HDAC9: variants seen among roughly 807,000 people sequenced by gnomAD.
HDAC9 encodes the protein histone deacetylase 9.
In HDAC9, 41 loss-of-function variants were observed where a neutral mutation model predicts 139.4. That is an observed-to-expected ratio of 0.29 (90% confidence interval 0.23 to 0.38). The LOEUF (loss-of-function observed/expected upper bound fraction) is 0.38. Among genes scored for constraint, HDAC9 ranks in the 10% least tolerant of loss-of-function variants. The pLI is 1.00. For synonymous variants in HDAC9, 517 were observed against 476.2 expected (o/e 1.09, Z -1.12); for missense variants, 1,147 against 1,297.0 (o/e 0.88, Z 1.78).
At chr7:18,301,514 TG>T (rs34624145) in intron 1 of HDAC9, among the ~76,000 whole-genome samples, 1 of 152,188 alleles carries the variant, frequency 6.6e-6, no homozygotes, top group Non-Finnish European at 1.5e-5. Context: ...ACTGTCCCAC[TG>T]GGATAGTAGA....
chr7:18,828,786 C>T (rs1457964297), intron 17 of HDAC9, among the ~76,000 whole-genome samples: 2 of 152,170 alleles, frequency 1.3e-5, no homozygotes, highest in African/African-American at 4.8e-5. Context: ...TTGACCCAAA[C>T]CTGCACCAAG....
intron 2 of HDAC9, chr7:18,517,925 G>T (rs1413769929): frequency 6.6e-6 from 1 of 152,036 alleles, no homozygotes; most frequent in Non-Finnish European, 1.5e-5. Context: ...CAATTTTTTT[G>T]TTTTAAAAAT....
chr7:18,204,133 G>C (rs930520874), intron 2 of HDAC9, among the ~76,000 whole-genome samples: 1 of 152,102 alleles, frequency 6.6e-6, no homozygotes, highest in Non-Finnish European at 1.5e-5. Flanking sequence ...AAAAAATTTA[G>C]TGACAGTGAA....
chr7:18,845,826 G>T (rs1159989688), intron 21 of HDAC9, among the ~76,000 whole-genome samples: 2 of 152,198 alleles, frequency 1.3e-5, no homozygotes, highest in Non-Finnish European at 2.9e-5. Context: ...CTCCATGGCT[G>T]TGTCCAGGCC....
At chr7:18,824,044 G>GGAAGAGGAAGAAGAAGAAGAA (rs71309048) in intron 17 of HDAC9, among the ~76,000 whole-genome samples, 796 of 66,934 alleles carry the variant, frequency 0.012, 11 homozygotes, top group East Asian at 0.043. Context: ...AAGAGGAAGA[G>GGAAGAGGAAGAAGAAGAAGAA]GAAGAAGAAG....
At chr7:18,613,514 T>C (rs995727829) in intron 6 of HDAC9, among the ~76,000 whole-genome samples, 20 of 152,056 alleles carry the variant, frequency 1.3e-4, no homozygotes, top group African/African-American at 4.6e-4. Context: ...TTATAATGCT[T>C]ACACTCAAAA....
intron 2 of HDAC9, among the ~76,000 whole-genome samples, chr7:18,564,081 C>T (rs188070286): frequency 7.2e-5 from 11 of 152,096 alleles, no homozygotes; most frequent in East Asian, 5.8e-4. Context: ...ATGATCCGCC[C>T]GCCCCGGCCT....
intron 23 of HDAC9, among the ~76,000 whole-genome samples, chr7:18,944,729 T>G (rs923141496): frequency 6.6e-6 from 1 of 152,158 alleles, no homozygotes; most frequent in Admixed American, 6.5e-5. Context: ...CTTTCTCTTT[T>G]CTGAAAGTAA....
intron 1 of HDAC9, among the ~76,000 whole-genome samples, chr7:18,308,815 T>A (rs1799100670): frequency 1.3e-5 from 2 of 152,196 alleles, no homozygotes; most frequent in African/African-American, 4.8e-5. Flanking sequence ...ATTCTGGGGA[T>A]TCGTATGAGT....
intron 12 of HDAC9, among the ~76,000 whole-genome samples, chr7:18,708,911 C>T (rs1239894882): frequency 6.6e-6 from 1 of 151,918 alleles, no homozygotes; most frequent in Admixed American, 6.6e-5. Flanking sequence ...CTCCTCTCTC[C>T]ACACACACCC....
chr7:18,816,290 A>G (rs1046492360), intron 17 of HDAC9, among the ~76,000 whole-genome samples: 2 of 152,232 alleles, frequency 1.3e-5, no homozygotes, highest in Non-Finnish European at 2.9e-5. Context: ...GGAAGCATTC[A>G]ACTTTCATAT....
chr7:18,549,032 G>C (rs1464482966), intron 2 of HDAC9, among the ~76,000 whole-genome samples: 3 of 152,196 alleles, frequency 2.0e-5, no homozygotes, highest in Non-Finnish European at 1.5e-5. Flanking sequence ...GAGGTCAAGA[G>C]ATCGAGACTA....
At chr7:18,668,908 C>G (rs1226811697) in intron 12 of HDAC9, 111 of 981,518 alleles carry the variant, frequency 1.1e-4, no homozygotes, top group Non-Finnish European at 1.3e-4. Flanking sequence ...AGCTTGCACA[C>G]TAGATCTCAT....
intron 2 of HDAC9, among the ~76,000 whole-genome samples, chr7:18,218,960 G>A (rs1489283829): frequency 6.6e-6 from 1 of 151,958 alleles, no homozygotes; most frequent in Non-Finnish European, 1.5e-5. Flanking sequence ...ACATTTTAAG[G>A]CTTTTTACAC....
chr7:18,361,809 GGAGA>G (rs528818096), intron 1 of HDAC9, among the ~76,000 whole-genome samples: 1 of 151,118 alleles, frequency 6.6e-6, no homozygotes, highest in Non-Finnish European at 1.5e-5. Flanking sequence ...TTTATTGCAA[GGAGA>G]GAGAGAAAAA....
At chr7:18,107,965 A>G (rs1783339277) in intron 1 of HDAC9, among the ~76,000 whole-genome samples, 1 of 152,204 alleles carries the variant, frequency 6.6e-6, no homozygotes, top group Non-Finnish European at 1.5e-5. Context: ...AGATTCTTAG[A>G]CAAAGATTTG....
chr7:18,208,533 A>G (rs1410398082), intron 2 of HDAC9, among the ~76,000 whole-genome samples: 2 of 151,708 alleles, frequency 1.3e-5, no homozygotes, highest in Non-Finnish European at 2.9e-5. Flanking sequence ...GCACCACCAC[A>G]CCTGACTAAT....
chr7:18,335,069 T>C (rs1354104057), intron 1 of HDAC9, among the ~76,000 whole-genome samples: 7 of 151,494 alleles, frequency 4.6e-5, no homozygotes, highest in East Asian at 3.9e-4. Flanking sequence ...ACCTGAAATA[T>C]GGGAAGCTGG....
intron 1 of HDAC9, among the ~76,000 whole-genome samples, chr7:18,133,168 A>G (rs1406791546): frequency 6.6e-6 from 1 of 152,216 alleles, no homozygotes; most frequent in African/African-American, 2.4e-5. Flanking sequence ...TTGGAAAAAC[A>G]CAAAAACACA....
Sources: gnomAD v4.1 joint callset for allele counts (sites outside exome capture counted in the v4.1 genomes callset) on GRCh38, gnomAD v4.1.1 for gene constraint, MANE v1.5 for transcripts, NCBI Gene and HGNC (gene_info 2026-07-23, HGNC 2026-07-21) for gene names.